Variants in PDE3A observed in about 807,000 individuals in gnomAD.
PDE3A encodes cGMP-inhibited 3',5'-cyclic phosphodiesterase 3A.
A neutral mutation model predicts 98.3 loss-of-function variants in PDE3A; 43 were observed. That is an observed-to-expected ratio of 0.44 (90% CI 0.34 to 0.56). The LOEUF (loss-of-function observed/expected upper bound fraction) is 0.56. PDE3A is among the 20% of genes least tolerant of loss of function. The probability of loss-of-function intolerance (pLI) is 0.01; values close to 1 mark genes in which losing one functional copy is unlikely to be tolerated. For missense variants in PDE3A, 1,427 were observed against 1,440.7 expected, an observed-to-expected ratio of 0.99 and a Z score of 0.15; for synonymous variants, 663 against 567.9, an observed-to-expected ratio of 1.17 and a Z score of -2.38.
intron 1 of PDE3A, among the ~76,000 whole-genome samples, chr12:20,403,027 T>A (rs1290637276): frequency 6.6e-6 from 1 of 152,222 alleles, no homozygotes; most frequent in Non-Finnish European, 1.5e-5. Flanking sequence ...TGTAATAATG[T>A]CTCATTTTTC....
intron 8 of PDE3A, 100 bp downstream of exon 8, chr12:20,635,156 C>G: frequency 1.8e-6 from 2 of 1,091,976 alleles, no homozygotes; most frequent in South Asian, 1.5e-5. Flanking sequence ...CAAGGTGGCT[C>G]ACACCTGTAA....
chr12:20,660,146 T>G (rs898232274), intron 15 of PDE3A, among the ~76,000 whole-genome samples: 2 of 152,150 alleles, frequency 1.3e-5, no homozygotes, highest in Non-Finnish European at 2.9e-5. Context: ...ATTTGCTGGT[T>G]TTATAAGAGG....
rs1945916425 is a variant in PDE3A, at chr12:20,685,043, T to C, written c.*4772T>C. On this transcript the variant is annotated 3_prime_UTR_variant, in exon 16 of 16. Transcript: ENST00000359062. Reference sequence around the variant, plus strand: ...GCTTTGACCTTACCTAATGGTGCTTTTACCTAACTTGAAGTGCTTTTTGTG... The same window carrying C: ...GCTTTGACCTTACCTAATGGTGCTTCTACCTAACTTGAAGTGCTTTTTGTG... 6.6e-6 allele frequency among the ~76,000 whole-genome samples: 1 copy of C among 152,184 alleles called. No homozygotes were observed. The highest frequency in any genetic ancestry group is 6.5e-5 in the Admixed American group (1 of 15,286).
chr12:20,547,148 A>G (rs2121239099), intron 1 of PDE3A, among the ~76,000 whole-genome samples: 1 of 152,110 alleles, frequency 6.6e-6, no homozygotes, highest in East Asian at 1.9e-4. Flanking sequence ...CAATTATCTG[A>G]TAAAATGTCA....
intron 2 of PDE3A, among the ~76,000 whole-genome samples, chr12:20,592,054 A>G (rs1341875334): frequency 2.0e-5 from 3 of 152,310 alleles, no homozygotes; most frequent in African/African-American, 2.4e-5. Context: ...CGATTAACAT[A>G]TAATTTTCAA....
intron 1 of PDE3A, among the ~76,000 whole-genome samples, chr12:20,514,335 T>C (rs1242106480): frequency 1.3e-5 from 2 of 152,214 alleles, no homozygotes; most frequent in African/African-American, 4.8e-5. Flanking sequence ...ATGTCTTCTT[T>C]TTATAAACTG....
chr12:20,652,894 T>C (rs7309897), intron 14 of PDE3A, among the ~76,000 whole-genome samples: 17,574 of 152,220 alleles, frequency 0.12, 1,152 homozygotes, highest in Admixed American at 0.18. Flanking sequence ...ACAGGCAACC[T>C]ACAGAATGGG....
chr12:20,441,378 C>T (rs889679432), intron 1 of PDE3A, among the ~76,000 whole-genome samples: 7 of 151,970 alleles, frequency 4.6e-5, no homozygotes, highest in Non-Finnish European at 7.4e-5. Context: ...AAGGCAACAT[C>T]ATTAGTAGCA....
Position 20,685,132 on chromosome 12 carries a change from G to A in PDE3A, c.*4861G>A, listed in dbSNP as rs1001411673. On this transcript the variant is annotated 3_prime_UTR_variant, in exon 16 of 16. Transcript: ENST00000359062. ...GGTGAAGTAAAATGAACATTTTTGG[G>A]CCGGGCGCAGTGGCTCACGCCTGTA... is the stretch of plus-strand genomic sequence containing the variant. Among the ~76,000 whole-genome samples the A allele has an allele frequency of 6.6e-6, 1 of 152,116 alleles. No individual in the cohort carries two copies. Among genetic ancestry groups the A allele is most frequent in the African/African-American group, 2.4e-5 (1 of 41,422 alleles).
chr12:20,501,330 C>G (rs1946021424), intron 1 of PDE3A, among the ~76,000 whole-genome samples: 1 of 152,124 alleles, frequency 6.6e-6, no homozygotes, highest in South Asian at 2.1e-4. Context: ...CTCTACAGCA[C>G]CGTAATCCAT....
intron 1 of PDE3A, among the ~76,000 whole-genome samples, chr12:20,525,585 G>T (rs959380750): frequency 6.6e-6 from 1 of 151,990 alleles, no homozygotes; most frequent in Non-Finnish European, 1.5e-5. Flanking sequence ...ACCCTTTAGT[G>T]TCAGTCACTA....
chr12:20,386,120 T>TAAATATATATA lies in PDE3A; in HGVS notation c.960+15879_960+15889dup, dbSNP rs1214022751. 2.1e-4 allele frequency among the ~76,000 whole-genome samples: 16 copies of TAAATATATATA among 76,162 alleles called. 1 individual carries two copies. The East Asian group carries it at 3.9e-3, about 19-fold the overall frequency. The allele number at this position is 76,162 out of a possible 152,430, so 50.0% of individuals were successfully genotyped here. On this transcript the variant is annotated intron_variant, in intron 1 of 15. Coordinates refer to ENST00000359062, the MANE Select transcript of PDE3A (RefSeq NM_000921.5). ...ATATAAATATATATATAAATATATATAAATATATATAAATATATATAAATA... is the reference window on the plus strand; with the variant it reads ...ATATAAATATATATATAAATATATATAAATATATATAAAATATATATAAATATATATAAATA...
chr12:20,673,641 A>G (rs546231181), intron 15 of PDE3A, among the ~76,000 whole-genome samples: 49 of 148,098 alleles, frequency 3.3e-4, no homozygotes, highest in Non-Finnish European at 4.9e-4. Context: ...ATAGGTGGGA[A>G]TTGAACAATG....
Position 20,680,252 on chromosome 12 carries a change from C to T in PDE3A, c.3407C>T (p.Thr1136Ile), listed in dbSNP as rs746480709. The change falls in exon 16 of 16, where the codon ACC becomes ATC. Residue 1136 changes from threonine (T) to isoleucine (I), a missense_variant. Thr to Ile is a moderately conservative substitution (Grantham distance 89). Around this residue, in one of 3 missense-constraint regions of PDE3A, gnomAD observed 142 missense variants for 133.9 expected, o/e 1.06. Coordinates refer to ENST00000359062, the MANE Select transcript of PDE3A (RefSeq NM_000921.5). ...KGKPRGEEIP[T>I]QKPDQ ...AAACCAAGAGGCGAGGAGATACCAA[C>T]CCAAAAGCCAGACCAGTGACAATGG... The T allele has an allele frequency of 3.1e-6, 5 of 1,613,864 alleles. No homozygotes were observed. Among genetic ancestry groups the T allele is most frequent in the Non-Finnish European group, 4.2e-6 (5 of 1,179,874 alleles).
chr12:20,417,469 A>G (rs1944439743), intron 1 of PDE3A, among the ~76,000 whole-genome samples: 1 of 152,194 alleles, frequency 6.6e-6, no homozygotes, highest in African/African-American at 2.4e-5. Flanking sequence ...TCCTATTCTT[A>G]ATTTCCAGTG....
In PDE3A at chr12:20,683,114, C is replaced by T. The variant is rs1465868703; in HGVS notation, c.*2843C>T. 1.3e-5 allele frequency: 2 copies of T among 152,152 alleles called. No homozygotes were observed. The highest frequency in any genetic ancestry group is 2.9e-5 in the Non-Finnish European group (2 of 68,038). 9.4% of individuals were successfully genotyped at this position (152,152 alleles called of 1,614,324 possible). A position where few individuals can be genotyped will look rare whatever the true frequency, so the allele number is the denominator to read the frequency against. The stretch of plus-strand genomic sequence containing the variant: ...TACATTTTTCTTTAAAAATAAATTG[C>T]TATTACAGCTAGACGTCAATTGGGA... On this transcript the variant is annotated 3_prime_UTR_variant, in exon 16 of 16. Transcript: ENST00000359062.
At chr12:20,636,645 CT>C (rs1310107920) in intron 8 of PDE3A, among the ~76,000 whole-genome samples, 3 of 152,104 alleles carry the variant, frequency 2.0e-5, no homozygotes, top group African/African-American at 7.2e-5. Flanking sequence ...TCAGGTCCTA[CT>C]ACTCATGGAT....
At position 20,369,410 on chromosome 12, in the gene PDE3A, C is replaced by T. The variant is rs1425665668; in HGVS notation, c.126C>T (p.Gly42=). Residue 42 remains glycine, a synonymous_variant, in exon 1 of 16, where the codon GGC becomes GGT. Coordinates refer to ENST00000359062, the MANE Select transcript of PDE3A (RefSeq NM_000921.5). ...ACCCCGCATCGCCGCGGGACTCGGG[C>T]TGCCGTGGCTGCTGGGGAGACCTGG... ...RADPASPRDS[G]CRGCWGDLVL... 1.3e-6 allele frequency: 2 copies of T among 1,553,586 alleles called. No homozygotes were observed. Among genetic ancestry groups the T allele is most frequent in the African/African-American group, 1.4e-5 (1 of 73,214 alleles).
Position 20,369,569 on chromosome 12 carries a change from G to A in PDE3A, c.285G>A (p.Ala95=), listed in dbSNP as rs765045874. 52 of 1,554,574 alleles carry A rather than the reference G, an allele frequency of 3.3e-5. 3 individuals are homozygous for A. The highest frequency in any genetic ancestry group is 2.4e-4 in the South Asian group (20 of 83,974). Residue 95 remains alanine (A), a synonymous_variant, in exon 1 of 16, where the codon GCG becomes GCA. Transcript: ENST00000359062. ...GTGACCTGGAGCAGTGTAAGGAGGCGGCGGCGGCGGAGGAGGAGGAAGCAG... is the reference window on the plus strand; with the variant it reads ...GTGACCTGGAGCAGTGTAAGGAGGCAGCGGCGGCGGAGGAGGAGGAAGCAG... ...VGCDLEQCKE[A]AAAEEEEAAP... is the part of the protein sequence containing the mutation.
Sources: allele counts gnomAD v4.1 joint callset (sites outside exome capture counted in the v4.1 genomes callset), GRCh38; gene constraint gnomAD v4.1.1; regional missense constraint gnomAD v4.1.1; transcripts MANE v1.5; gene names NCBI Gene and HGNC (gene_info 2026-07-23, HGNC 2026-07-21).